Variants in ANO2 observed in about 807,000 individuals in gnomAD.
The protein encoded by ANO2 is anoctamin 2, also known as anoctamin-2.
Under a neutral mutation model 124.2 loss-of-function variants are expected in ANO2, and 101 were observed. That is an observed-to-expected ratio of 0.81 (90% CI 0.69 to 0.96). The LOEUF (loss-of-function observed/expected upper bound fraction) is 0.96. Ranked by LOEUF, ANO2 falls within the 40% of genes least tolerant of loss-of-function variation. The pLI is 0.00. For synonymous variants in ANO2, 486 were observed against 482.5 expected (o/e 1.01, Z -0.09); for missense variants, 1,293 against 1,274.5 (o/e 1.01, Z -0.22).
At chr12:5,749,471 A>T (rs1951374778) in intron 11 of ANO2, among the ~76,000 whole-genome samples, 1 of 152,268 alleles carries the variant, frequency 6.6e-6, no homozygotes, top group Non-Finnish European at 1.5e-5. Flanking sequence ...TGGAGAAAAT[A>T]TGTAGTGTAA....
intron 14 of ANO2, among the ~76,000 whole-genome samples, chr12:5,686,546 T>C (rs3782630): frequency 0.37 from 56,885 of 152,052 alleles, 12,405 homozygotes; most frequent in East Asian, 0.59. Flanking sequence ...AATAGAGGTA[T>C]ATTTAAGGAC....
chr12:5,738,465 C>A (rs866059373), intron 13 of ANO2, among the ~76,000 whole-genome samples: 12 of 152,164 alleles, frequency 7.9e-5, no homozygotes, highest in Non-Finnish European at 1.5e-4. Context: ...CAGCCCCTCA[C>A]CCACGATATC....
chr12:5,783,209 T>G (rs2137137022), intron 10 of ANO2, among the ~76,000 whole-genome samples: 1 of 152,352 alleles, frequency 6.6e-6, no homozygotes, highest in South Asian at 2.1e-4. Context: ...GCTAACTGAC[T>G]TTACATTTAT....
At chr12:5,672,040 G>A (rs909378426) in intron 14 of ANO2, among the ~76,000 whole-genome samples, 10 of 152,110 alleles carry the variant, frequency 6.6e-5, no homozygotes, top group Admixed American at 2.0e-4. Flanking sequence ...CTAGGTTCTC[G>A]CTGAGGACTG....
rs578062738 is a variant in ANO2, at chr12:5,888,128, G to C, written c.534+32912C>G. 7.9e-5 allele frequency among the ~76,000 whole-genome samples: 12 copies of C among 152,250 alleles called. No homozygotes were observed. In the South Asian group the frequency reaches 2.5e-3, roughly 32 times the overall value. On this transcript the variant is annotated intron_variant, in intron 3 of 24. Coordinates refer to ENST00000682330, the MANE Select transcript of ANO2 (RefSeq NM_001364791.2). ...CTTCTGACGTTCGGATGTGTTCGGA[G>C]TTTCTTCCTCCTGGTGGGTTTGTGG... is the stretch of plus-strand genomic sequence containing the variant.
chr12:5,837,818 C>G (rs55649817), intron 4 of ANO2, among the ~76,000 whole-genome samples: 21 of 151,410 alleles, frequency 1.4e-4, no homozygotes, highest in Admixed American at 1.1e-3. Flanking sequence ...AAAGGAAGAG[C>G]AAACACATTC....
At chr12:5,653,648 A>G (rs1030409632) in intron 14 of ANO2, among the ~76,000 whole-genome samples, 22 of 152,244 alleles carry the variant, frequency 1.4e-4, no homozygotes, top group Non-Finnish European at 5.9e-5. Flanking sequence ...TGTACCAAGC[A>G]TCATGCTAGC....
At chr12:5,601,899 G>A (rs1179282555) in intron 19 of ANO2, among the ~76,000 whole-genome samples, 1 of 152,250 alleles carries the variant, frequency 6.6e-6, no homozygotes, top group Non-Finnish European at 1.5e-5. Flanking sequence ...CACAGTGGAA[G>A]ATGGTAGAGA....
intron 10 of ANO2, among the ~76,000 whole-genome samples, chr12:5,788,449 A>G (rs1320344770): frequency 6.6e-6 from 1 of 152,242 alleles, no homozygotes; most frequent in Non-Finnish European, 1.5e-5. Flanking sequence ...ATCAGTCCAT[A>G]TCTATCTCGT....
At chr12:5,668,955 A>G in intron 14 of ANO2, among the ~76,000 whole-genome samples, 1 of 152,000 alleles carries the variant, frequency 6.6e-6, no homozygotes, top group East Asian at 1.9e-4. Context: ...GTAGCCTTGT[A>G]GTACAGTTTG....
intron 3 of ANO2, among the ~76,000 whole-genome samples, chr12:5,912,606 G>A (rs894170445): frequency 5.3e-5 from 8 of 152,250 alleles, no homozygotes; most frequent in Middle Eastern, 3.4e-3. Context: ...GCCCGGAGGC[G>A]TCCCCTCTGA....
intron 14 of ANO2, among the ~76,000 whole-genome samples, chr12:5,705,310 GAAA>G (rs1949566831): frequency 6.7e-6 from 1 of 149,438 alleles, no homozygotes; most frequent in African/African-American, 2.5e-5. Flanking sequence ...AATTGAAAGA[GAAA>G]GAAGAAAAAA....
At chr12:5,657,532 T>C (rs10849311) in intron 14 of ANO2, among the ~76,000 whole-genome samples, 89,300 of 150,956 alleles carry the variant, frequency 0.59, 27,889 homozygotes, top group East Asian at 0.96. Flanking sequence ...TAGGATCTTG[T>C]TCTGTCACCC....
intron 3 of ANO2, among the ~76,000 whole-genome samples, chr12:5,868,197 T>C (rs866572201): frequency 3.9e-5 from 6 of 152,112 alleles, no homozygotes; most frequent in Non-Finnish European, 8.8e-5. Context: ...ATGTACTAGG[T>C]ACCCACAAAA....
chr12:5,884,835 G>C (rs968471317), intron 3 of ANO2, among the ~76,000 whole-genome samples: 10 of 152,126 alleles, frequency 6.6e-5, no homozygotes, highest in African/African-American at 2.4e-4. Flanking sequence ...GATGAAGAAG[G>C]GCAAACACAG....
chr12:5,614,044 C>T (rs772634353), intron 17 of ANO2, among the ~76,000 whole-genome samples: 7 of 152,156 alleles, frequency 4.6e-5, no homozygotes, highest in Non-Finnish European at 8.8e-5. Context: ...GATGACAGCT[C>T]GTGCTATTAG....
chr12:5,677,043 G>T (rs1948277608), intron 14 of ANO2, among the ~76,000 whole-genome samples: 1 of 151,752 alleles, frequency 6.6e-6, no homozygotes, highest in Non-Finnish European at 1.5e-5. Context: ...GACAGAGTAA[G>T]ACTCTGTCTC....
intron 9 of ANO2, among the ~76,000 whole-genome samples, chr12:5,800,180 T>C (rs1039424474): frequency 1.3e-5 from 2 of 152,236 alleles, no homozygotes; most frequent in Admixed American, 1.3e-4. Flanking sequence ...ACAGTCTTCT[T>C]GTGCAAATGC....
At chr12:5,670,980 A>G (rs1001981905) in intron 14 of ANO2, among the ~76,000 whole-genome samples, 4 of 152,172 alleles carry the variant, frequency 2.6e-5, no homozygotes, top group Non-Finnish European at 5.9e-5. Context: ...TCGTGTCTAG[A>G]GCCCAGGTTC....
Sources: allele counts gnomAD v4.1 joint callset (sites outside exome capture counted in the v4.1 genomes callset), GRCh38; gene constraint gnomAD v4.1.1; transcripts MANE v1.5; gene names NCBI Gene and HGNC (gene_info 2026-07-23, HGNC 2026-07-21).